PTPRG: variants seen among roughly 807,000 people sequenced by gnomAD.
The protein encoded by PTPRG is receptor-type tyrosine-protein phosphatase gamma.
A neutral mutation model predicts 165.3 loss-of-function variants in PTPRG; 102 were observed. That is an observed-to-expected ratio of 0.62 (90% CI 0.53 to 0.73). PTPRG has a LOEUF of 0.73. Among genes scored for constraint, PTPRG ranks in the 30% least tolerant of loss-of-function variants. The probability of loss-of-function intolerance (pLI) is 0.00; values close to 1 mark genes in which losing one functional copy is unlikely to be tolerated. For synonymous variants in PTPRG, 675 were observed against 669.5 expected (o/e 1.01, Z -0.13); for missense variants, 1,866 against 1,861.4 (o/e 1.00, Z -0.05).
rs540833784 is a variant in PTPRG at position 61,792,329 on chromosome 3, C to T, written c.190+43347C>T. Reference sequence around the variant, plus strand: ...GATCCTCCCACCTCAGCTCCACAGGCACCCACCCCCGTCACCCCTCCGTAG... The same window carrying T: ...GATCCTCCCACCTCAGCTCCACAGGTACCCACCCCCGTCACCCCTCCGTAG... On this transcript the variant is annotated intron_variant, in intron 2 of 29. Transcript: ENST00000474889. Among the ~76,000 whole-genome samples, 6 of 152,126 alleles carry T rather than the reference C, an allele frequency of 3.9e-5. No individual in the cohort carries two copies. In the East Asian group the frequency reaches 1.2e-3, roughly 30 times the overall value.
rs72878156 is a variant in PTPRG at position 62,266,658 on chromosome 3, T to C, written c.2657-752T>C. On this transcript the variant is annotated intron_variant, in intron 17 of 29. Transcript: ENST00000474889. ...AGTAATGCCTATGCTGATCCACTCA[T>C]TGGACTTCTTTTTCAACTAGCCTTT... Among the ~76,000 whole-genome samples the C allele has an allele frequency of 6.5e-3, 981 of 151,940 alleles. 7 individuals carry two copies. The highest frequency in any genetic ancestry group is 0.023 in the African/African-American group (940 of 41,432).
intron 2 of PTPRG, among the ~76,000 whole-genome samples, chr3:61,937,938 G>GT (rs397942143): frequency 9.3e-4 from 138 of 148,724 alleles, no homozygotes; most frequent in Non-Finnish European, 1.3e-3. Context: ...TGATCTTGGG[G>GT]TTTTTTTTTT....
chr3:61,938,015 A>G (rs756916172), intron 2 of PTPRG, among the ~76,000 whole-genome samples: 1 of 151,882 alleles, frequency 6.6e-6, no homozygotes, highest in Non-Finnish European at 1.5e-5. Context: ...ATTTAAAACT[A>G]TAATACCGAC....
intron 2 of PTPRG, among the ~76,000 whole-genome samples, chr3:61,764,890 G>T (rs2033965848): frequency 6.6e-6 from 1 of 152,200 alleles, no homozygotes; most frequent in South Asian, 2.1e-4. Context: ...ATTGGAGATG[G>T]TTGGGTGGCC....
chr3:62,068,882 G>T (rs546219270), intron 4 of PTPRG, among the ~76,000 whole-genome samples: 1 of 152,272 alleles, frequency 6.6e-6, no homozygotes, highest in African/African-American at 2.4e-5. Flanking sequence ...AAATAATTAA[G>T]GATTAGTGTA....
chr3:61,690,358 G>A (rs1169135082), intron 1 of PTPRG, among the ~76,000 whole-genome samples: 2 of 152,146 alleles, frequency 1.3e-5, no homozygotes, highest in African/African-American at 4.8e-5. Flanking sequence ...TTGCAGGGTG[G>A]CTCACTTGCT....
At chr3:62,173,582 A>C (rs1463933970) in intron 8 of PTPRG, among the ~76,000 whole-genome samples, 1 of 152,130 alleles carries the variant, frequency 6.6e-6, no homozygotes, top group Non-Finnish European at 1.5e-5. Context: ...CATGACTGTG[A>C]ATGTGTTGGA....
At chr3:62,275,313 T>G (rs1702195591) in intron 23 of PTPRG, among the ~76,000 whole-genome samples, 1 of 149,924 alleles carries the variant, frequency 6.7e-6, no homozygotes, top group Non-Finnish European at 1.5e-5. Flanking sequence ...CATTAAGCAA[T>G]CTTTTTTAAT....
At chr3:61,660,928 G>A (rs1393785244) in intron 1 of PTPRG, among the ~76,000 whole-genome samples, 2 of 152,162 alleles carry the variant, frequency 1.3e-5, no homozygotes, top group Non-Finnish European at 2.9e-5. Context: ...CTTGAACCTG[G>A]GAGGCGGAGG....
chr3:61,991,296 C>T (rs1240169196), intron 3 of PTPRG, among the ~76,000 whole-genome samples: 1 of 152,208 alleles, frequency 6.6e-6, no homozygotes, highest in Non-Finnish European at 1.5e-5. Flanking sequence ...ACCTCCACCT[C>T]CTAGGTTCAA....
intron 5 of PTPRG, among the ~76,000 whole-genome samples, chr3:62,122,483 G>GA (rs1235139541): frequency 2.0e-5 from 3 of 151,534 alleles, no homozygotes; most frequent in East Asian, 3.9e-4. Context: ...CCTCTTAAAA[G>GA]AAAAAAAAGC....
chr3:62,203,336 C>G lies in PTPRG; in HGVS notation c.1541C>G (p.Thr514Arg). ...QATVASVVTS[T>R]LLAGLGFGGG... is the part of the protein sequence containing the mutation. ...ACAGTGGCCTCGGTGGTCACCAGCACGCTGCTCGCCGGCCTGGGGTTCGGC... is the reference window on the plus strand; with the variant it reads ...ACAGTGGCCTCGGTGGTCACCAGCAGGCTGCTCGCCGGCCTGGGGTTCGGC... The change falls in exon 12 of 30, where the codon ACG becomes AGG. Residue 514 changes from threonine to arginine, a missense_variant. Thr to Arg is a moderately conservative substitution (Grantham distance 71). Coordinates refer to ENST00000474889, the MANE Select transcript of PTPRG (RefSeq NM_002841.4). This position sits in a 1 kb window ranked among gnomAD's most constrained non-coding sequence, Gnocchi z 6.4. The G allele has an allele frequency of 6.2e-7, 1 of 1,613,670 alleles. No homozygotes were observed. Among genetic ancestry groups the G allele is most frequent in the Non-Finnish European group, 8.5e-7 (1 of 1,179,902 alleles).
At position 62,285,663 on chromosome 3, in the gene PTPRG, G is replaced by T. The variant is rs566083866; in HGVS notation, c.4055+2794G>T. On this transcript the variant is annotated intron_variant, in intron 28 of 29. Coordinates refer to ENST00000474889, the MANE Select transcript of PTPRG (RefSeq NM_002841.4). ...TTAAAGACAAACTGCTTCATTCTCA[G>T]CATTCTATTGTCAACTGTTCAAGAT... Among the ~76,000 whole-genome samples, 11 of 152,162 alleles carry T rather than the reference G, an allele frequency of 7.2e-5. No homozygotes were observed. In the South Asian group the frequency reaches 2.3e-3, roughly 32 times the overall value.
In PTPRG at chr3:62,195,125, C is replaced by T. The variant is rs773365125; in HGVS notation, c.1282C>T (p.Arg428Trp). Residue 428 changes from arginine to tryptophan, a missense_variant, in exon 10 of 30, where the codon CGG becomes TGG. This residue lies in a region of PTPRG where 1,452 missense variants were observed against 1,463.0 expected (regional missense o/e 0.99). Coordinates refer to ENST00000474889, the MANE Select transcript of PTPRG (RefSeq NM_002841.4). This position sits in a 1 kb window ranked among gnomAD's most constrained non-coding sequence, Gnocchi z 4.4. The part of the protein sequence containing the change: ...LYLFRVQAVC[R>W]NDMRSDFSQT... ...CCTGTTCCGAGTCCAGGCCGTGTGT[C>T]GGAACGACATGCGCAGCGACTTTAG... is the stretch of plus-strand genomic sequence containing the variant. 1.4e-5 allele frequency: 22 copies of T among 1,614,194 alleles called. No homozygotes were observed. The highest frequency in any genetic ancestry group is 1.6e-4 in the Middle Eastern group (1 of 6,062).
At chr3:61,877,480 A>C (rs2037775525) in intron 2 of PTPRG, among the ~76,000 whole-genome samples, 1 of 152,320 alleles carries the variant, frequency 6.6e-6, no homozygotes, top group East Asian at 1.9e-4. Flanking sequence ...TGTGTAGTTT[A>C]TCATTAGACC....
chr3:61,969,660 G>A (rs2040341869), intron 2 of PTPRG, among the ~76,000 whole-genome samples: 1 of 152,046 alleles, frequency 6.6e-6, no homozygotes, highest in Admixed American at 6.6e-5. Context: ...CTACAGACTC[G>A]GTCACCCTCA....
intron 4 of PTPRG, among the ~76,000 whole-genome samples, chr3:62,070,920 A>C (rs186655973): frequency 2.2e-3 from 329 of 151,886 alleles, no homozygotes; most frequent in African/African-American, 7.7e-3. Flanking sequence ...ATGTACCCTA[A>C]AACTTAAAGT....
chr3:61,665,367 G>A (rs567173334), intron 1 of PTPRG, among the ~76,000 whole-genome samples: 4 of 152,064 alleles, frequency 2.6e-5, no homozygotes, highest in Admixed American at 1.3e-4. Flanking sequence ...TTTTTATAGC[G>A]ATATGGCAAT....
chr3:61,940,514 T>A (rs1427764746), intron 2 of PTPRG, among the ~76,000 whole-genome samples: 1 of 152,176 alleles, frequency 6.6e-6, no homozygotes, highest in Non-Finnish European at 1.5e-5. Flanking sequence ...CTGCCCTGGT[T>A]GTTTTTGCAT....
Sources: gnomAD v4.1 joint callset for allele counts (sites outside exome capture counted in the v4.1 genomes callset) on GRCh38, gnomAD v4.1.1 for gene constraint, gnomAD v4.1.1 regional missense constraint, Gnocchi (gnomAD v3.1) non-coding constraint, MANE v1.5 for transcripts, NCBI Gene and HGNC (gene_info 2026-07-23, HGNC 2026-07-21) for gene names.